The following PLA2R1 variants were observed in gnomAD, a reference collection of about 807,000 sequenced individuals.
PLA2R1 encodes the protein secretory phospholipase A2 receptor.
In PLA2R1, 158 loss-of-function variants were observed where a neutral mutation model predicts 195.9. That is an observed-to-expected ratio of 0.81 (90% CI 0.71 to 0.92). PLA2R1 has a LOEUF of 0.92. Among genes scored for constraint, PLA2R1 ranks in the 40% least tolerant of loss-of-function variants. PLA2R1 has a pLI of 0.00. For synonymous variants in PLA2R1, 586 were observed against 598.2 expected (o/e 0.98, Z 0.30); for missense variants, 1,626 against 1,764.6 (o/e 0.92, Z 1.41).
In PLA2R1 at chr2:159,938,694, A is replaced by T. The variant is rs1243503292; in HGVS notation, c.*3084T>A. On this transcript the variant is annotated 3_prime_UTR_variant, in exon 30 of 30. Coordinates refer to ENST00000283243, the MANE Select transcript of PLA2R1 (RefSeq NM_007366.5). ...CAGACAGCTATTCTCAGTGGACACC[A>T]GCTAACATACATCCACAGTAAGTTG... The T allele has an allele frequency of 1.3e-5, 2 of 152,390 alleles. No individual in the cohort carries two copies. Among genetic ancestry groups the T allele is most frequent in the African/African-American group, 4.8e-5 (2 of 41,478 alleles). The allele number at this position is 152,390 out of a possible 1,614,324, so 9.4% of individuals were successfully genotyped here.
Position 159,976,181 on chromosome 2 carries a change from T to A in PLA2R1, c.2482A>T (p.Thr828Ser). ...FYQDAEYLFH[T>S]FASEWLNFEF... ...AAGTTCAACCATTCTGAGGCAAAGG[T>A]ATGAAAAAGGTATTCTGCATCCTGA... Residue 828 changes from threonine (T) to serine (S), a missense_variant, in exon 17 of 30, where the codon ACC becomes TCC. Coordinates refer to ENST00000283243, the MANE Select transcript of PLA2R1 (RefSeq NM_007366.5). The A allele has an allele frequency of 6.2e-7, 1 of 1,610,576 alleles. No homozygotes were observed. The highest frequency in any genetic ancestry group is 1.1e-5 in the South Asian group (1 of 90,808).
Position 160,022,935 on chromosome 2 carries a change from C to A in PLA2R1, c.1100-76G>T. ...TACTTATTACAGCTTATGTAAATTG[C>A]CATTAATATGATTACTTTAAAAATG... On this transcript the variant is annotated intron_variant, in intron 6 of 29. Transcript: ENST00000283243. The A allele has an allele frequency of 5.1e-6, 5 of 980,038 alleles. No individual in the cohort carries two copies. The South Asian group carries it at 5.3e-5, about 10-fold the overall frequency. The allele number at this position is 980,038 out of a possible 1,614,324, so 60.7% of individuals were successfully genotyped here. A position where few individuals can be genotyped will look rare whatever the true frequency, so the allele number is the denominator to read the frequency against.
chr2:160,054,738 A>G (rs1695426679), intron 1 of PLA2R1, among the ~76,000 whole-genome samples: 1 of 152,180 alleles, frequency 6.6e-6, no homozygotes, highest in Non-Finnish European at 1.5e-5. Flanking sequence ...TAGTGTTTAT[A>G]TGGTGTTCTT....
In PLA2R1 at chr2:160,022,756, C is replaced by G; in HGVS notation, c.1203G>C (p.Glu401Asp). Reference protein sequence around the residue: ...KLQKEEKTWHEALRSCQADNS... With the variant: ...KLQKEEKTWHDALRSCQADNS... ...TATCAGCCTGACAAGAACGCAGAGC[C>G]TCATGCCAGGTCTTTTCTTCTTTCT... Residue 401 changes from glutamate (E) to aspartate (D), a missense_variant, in exon 7 of 30, where the codon GAG (glutamate) becomes GAC (aspartate). Transcript: ENST00000283243. The G allele has an allele frequency of 6.2e-7, 1 of 1,613,238 alleles. No homozygotes were observed. The highest frequency in any genetic ancestry group is 8.5e-7 in the Non-Finnish European group (1 of 1,179,212).
intron 20 of PLA2R1, among the ~76,000 whole-genome samples, chr2:159,958,016 C>A (rs1017896680): frequency 6.6e-6 from 1 of 152,178 alleles, no homozygotes; most frequent in Admixed American, 6.5e-5. Flanking sequence ...GAAACCTACA[C>A]TTGAAAAAGC....
intron 4 of PLA2R1, among the ~76,000 whole-genome samples, chr2:160,032,414 C>A (rs749394338): frequency 1.3e-5 from 2 of 152,054 alleles, no homozygotes; most frequent in African/African-American, 2.4e-5. Flanking sequence ...AGGCAATAAG[C>A]GAAACATAAG....
intron 27 of PLA2R1, among the ~76,000 whole-genome samples, chr2:159,945,531 C>A (rs958142215): frequency 2.0e-5 from 3 of 152,214 alleles, no homozygotes; most frequent in African/African-American, 7.2e-5. Flanking sequence ...ATGAACTCAT[C>A]ATTTTTTTAT....
intron 1 of PLA2R1, among the ~76,000 whole-genome samples, chr2:160,055,604 A>T (rs1232749938): frequency 6.6e-6 from 1 of 152,202 alleles, no homozygotes; most frequent in Non-Finnish European, 1.5e-5. Flanking sequence ...AGAATGAACC[A>T]CACCATGGGG....
intron 3 of PLA2R1, among the ~76,000 whole-genome samples, chr2:160,039,132 C>T (rs1694363864): frequency 6.6e-6 from 1 of 152,174 alleles, no homozygotes; most frequent in South Asian, 2.1e-4. Context: ...TCCCAAAGTG[C>T]TGGGATTACA....
At chr2:159,959,324 C>T (rs1363992454) in intron 20 of PLA2R1, among the ~76,000 whole-genome samples, 1 of 152,184 alleles carries the variant, frequency 6.6e-6, no homozygotes, top group Non-Finnish European at 1.5e-5. Context: ...ATCTCCTCTG[C>T]TTCCTCTATG....
chr2:159,957,751 C>T (rs544471120), intron 20 of PLA2R1, among the ~76,000 whole-genome samples: 2 of 151,990 alleles, frequency 1.3e-5, no homozygotes, highest in South Asian at 2.1e-4. Flanking sequence ...CCTGAAAGTT[C>T]GATGAAATTT....
At chr2:159,943,299 T>C (rs1574636872) in intron 28 of PLA2R1, among the ~76,000 whole-genome samples, 1 of 152,188 alleles carries the variant, frequency 6.6e-6, no homozygotes, top group East Asian at 1.9e-4. Flanking sequence ...ATAAAAACAA[T>C]GCCATTTAAC....
intron 3 of PLA2R1, among the ~76,000 whole-genome samples, chr2:160,040,480 T>C (rs1436564472): frequency 6.6e-6 from 1 of 152,212 alleles, no homozygotes; most frequent in East Asian, 1.9e-4. Flanking sequence ...ATATTATTGC[T>C]TGATGATGAA....
chr2:159,975,829 A>T (rs1010700564), intron 17 of PLA2R1, among the ~76,000 whole-genome samples: 1 of 152,150 alleles, frequency 6.6e-6, no homozygotes, highest in African/African-American at 2.4e-5. Flanking sequence ...GCTAACAAAG[A>T]ATGAAGAGAA....
intron 23 of PLA2R1, among the ~76,000 whole-genome samples, chr2:159,953,369 T>C (rs910143886): frequency 1.3e-5 from 2 of 152,256 alleles, no homozygotes; most frequent in African/African-American, 2.4e-5. Flanking sequence ...TAAGCACATA[T>C]GTATCTGACA....
At chr2:160,024,071 C>T (rs1018296165) in intron 6 of PLA2R1, among the ~76,000 whole-genome samples, 2 of 152,174 alleles carry the variant, frequency 1.3e-5, no homozygotes, top group African/African-American at 4.8e-5. Flanking sequence ...GAGGGAGCTG[C>T]CTGGAGTCTA....
At chr2:160,023,556 A>G (rs1693289093) in intron 6 of PLA2R1, among the ~76,000 whole-genome samples, 1 of 152,348 alleles carries the variant, frequency 6.6e-6, no homozygotes, top group Non-Finnish European at 1.5e-5. Flanking sequence ...CTCATGAATA[A>G]TCTACCCCTT....
intron 1 of PLA2R1, among the ~76,000 whole-genome samples, chr2:160,053,050 C>A (rs1420289411): frequency 1.3e-5 from 2 of 152,136 alleles, no homozygotes; most frequent in Admixed American, 6.5e-5. Context: ...ACAGAAATTT[C>A]TTTTCTCATA....
intron 1 of PLA2R1, among the ~76,000 whole-genome samples, chr2:160,060,515 C>T (rs768170870): frequency 1.4e-4 from 21 of 152,328 alleles, no homozygotes; most frequent in Non-Finnish European, 2.6e-4. Context: ...GGTACATAAC[C>T]TCCGTGCTCC....
Sources: gnomAD v4.1 joint callset for allele counts (sites outside exome capture counted in the v4.1 genomes callset) on GRCh38, gnomAD v4.1.1 for gene constraint, MANE v1.5 for transcripts, NCBI Gene and HGNC (gene_info 2026-07-23, HGNC 2026-07-21) for gene names.